The following ITPR1 variants were observed in gnomAD, a reference collection of about 807,000 sequenced individuals.
The protein encoded by ITPR1 is inositol 1,4,5-trisphosphate receptor type 1, also known as inositol 1,4,5-trisphosphate-gated calcium channel ITPR1.
A neutral mutation model predicts 318.4 loss-of-function variants in ITPR1; 96 were observed. The ratio of observed to expected loss-of-function variants is 0.30; its 90% CI spans 0.26 to 0.36. The LOEUF (loss-of-function observed/expected upper bound fraction) is 0.36, where lower values mean the gene tolerates loss of function less well. Among genes scored for constraint, ITPR1 ranks in the 10% least tolerant of loss-of-function variants. The pLI is 1.00. For missense variants in ITPR1, 2,440 were observed against 3,460.2 expected, an observed-to-expected ratio of 0.71 and a Z score of 7.40; for synonymous variants, 1,312 against 1,289.9, an observed-to-expected ratio of 1.02 and a Z score of -0.37.
chr3:4,608,267 A>C (rs113369191), intron 4 of ITPR1, among the ~76,000 whole-genome samples: 5,487 of 152,200 alleles, frequency 0.036, 141 homozygotes, highest in Non-Finnish European at 0.057. Context: ...AACCTTCTCC[A>C]TGTGACTGTC....
intron 4 of ITPR1, among the ~76,000 whole-genome samples, chr3:4,590,747 A>T (rs1443222605): frequency 1.3e-5 from 2 of 151,876 alleles, no homozygotes; most frequent in African/African-American, 4.8e-5. Context: ...GTTTGGGGGT[A>T]CATGTGAAGC....
chr3:4,655,556 G>A lies in ITPR1; in HGVS notation c.996+1670G>A, dbSNP rs78143962. Among the ~76,000 whole-genome samples the A allele has an allele frequency of 8.4e-3, 1,281 of 152,166 alleles. 8 individuals carry two copies. The highest frequency in any genetic ancestry group is 0.014 in the Non-Finnish European group (957 of 67,998). On this transcript the variant is annotated intron_variant, in intron 12 of 61. Coordinates refer to ENST00000649015, the MANE Select transcript of ITPR1 (RefSeq NM_001378452.1). ...TCATTAGCATTTTTAGTGCCTTTGCGTCCACCAGGTTGTCTGGGCTGCACA... is the reference window on the plus strand; with the variant it reads ...TCATTAGCATTTTTAGTGCCTTTGCATCCACCAGGTTGTCTGGGCTGCACA...
chr3:4,718,389 T>C (rs2041920010), intron 40 of ITPR1, among the ~76,000 whole-genome samples: 1 of 152,236 alleles, frequency 6.6e-6, no homozygotes, highest in Non-Finnish European at 1.5e-5. Flanking sequence ...AAATAGAACA[T>C]GCTGTCTACT....
Position 4,645,883 on chromosome 3 carries a change from A to ATG in ITPR1, c.855+163_855+164dup, listed in dbSNP as rs368360192. 2.4e-4 allele frequency: 160 copies of ATG among 667,766 alleles called. 1 individual carries two copies. The highest frequency in any genetic ancestry group is 1.0e-3 in the African/African-American group (56 of 55,444). The allele number at this position is 667,766 out of a possible 1,614,324, so 41.4% of individuals were successfully genotyped here. On this transcript the variant is annotated intron_variant, in intron 10 of 61. Transcript: ENST00000649015. ...ACACCTACACACACACACAGAATACATGTGTGTGTATATATATAAGTCACA... is the reference window on the plus strand; with the variant it reads ...ACACCTACACACACACACAGAATACATGTGTGTGTGTATATATATAAGTCACA...
chr3:4,746,629 C>A (rs2044127816), intron 44 of ITPR1, among the ~76,000 whole-genome samples: 1 of 152,196 alleles, frequency 6.6e-6, no homozygotes, highest in Non-Finnish European at 1.5e-5. Flanking sequence ...GGGGCAGAGA[C>A]CAAGTCTGTC....
At position 4,680,574 on chromosome 3, in the gene ITPR1, G is replaced by C; in HGVS notation, c.2989G>C (p.Asp997His). The C allele has an allele frequency of 6.2e-7, 1 of 1,613,326 alleles. No individual in the cohort carries two copies. Among genetic ancestry groups the C allele is most frequent in the Non-Finnish European group, 8.5e-7 (1 of 1,179,348 alleles). ...TTAGTTTATTTTGAATGTGAGGTTGGATTATAGGATCTCCTGCCTCCTGTG... is the reference window on the plus strand; with the variant it reads ...TTAGTTTATTTTGAATGTGAGGTTGCATTATAGGATCTCCTGCCTCCTGTG... ...ILQFILNVRL[D>H]YRISCLLCIF... The change falls in exon 25 of 62, where the codon GAT (aspartate) becomes CAT (histidine). Residue 997 changes from aspartate (D) to histidine (H), a missense_variant. Physicochemically the swap from Asp to His is moderately conservative, Grantham distance 81. Coordinates refer to ENST00000649015, the MANE Select transcript of ITPR1 (RefSeq NM_001378452.1).
intron 4 of ITPR1, among the ~76,000 whole-genome samples, chr3:4,530,369 C>T (rs139812707): frequency 6.6e-6 from 1 of 152,256 alleles, no homozygotes; most frequent in African/African-American, 2.4e-5. Flanking sequence ...TTGACTGCTC[C>T]CAGTTCTAGC....
Position 4,658,111 on chromosome 3 carries a change from T to C in ITPR1, c.997-13T>C, listed in dbSNP as rs2093754119. Reference sequence around the variant, plus strand: ...CATGCATGGTTCTTGATTTGGTGACTTTACCTCCTCAGGTGGACCCTGATC... The same window carrying C: ...CATGCATGGTTCTTGATTTGGTGACCTTACCTCCTCAGGTGGACCCTGATC... On this transcript the variant is annotated splice_polypyrimidine_tract_variant and intron_variant, in intron 12 of 61. Coordinates refer to ENST00000649015, the MANE Select transcript of ITPR1 (RefSeq NM_001378452.1). 1 of 1,602,478 alleles carries C rather than the reference T, an allele frequency of 6.2e-7. No homozygotes were observed. Among genetic ancestry groups the C allele is most frequent in the African/African-American group, 1.3e-5 (1 of 74,672 alleles).
chr3:4,810,725 C>CA (rs2048885546), intron 55 of ITPR1, among the ~76,000 whole-genome samples: 2 of 152,182 alleles, frequency 1.3e-5, no homozygotes, highest in African/African-American at 4.8e-5. Flanking sequence ...AATGGAGACT[C>CA]AGAGGGGATG....
At chr3:4,726,501 G>A (rs1449185072) in intron 41 of ITPR1, among the ~76,000 whole-genome samples, 1 of 152,208 alleles carries the variant, frequency 6.6e-6, no homozygotes, top group African/African-American at 2.4e-5. Flanking sequence ...AATCACAGTA[G>A]TTCAAGCTAG....
At chr3:4,595,385 G>A (rs1235061421) in intron 4 of ITPR1, among the ~76,000 whole-genome samples, 2 of 152,160 alleles carry the variant, frequency 1.3e-5, no homozygotes, top group Admixed American at 6.6e-5. Flanking sequence ...GCCAGATCTC[G>A]TGAGAACTCA....
intron 17 of ITPR1, 32 bp from the exon 18 acceptor site, chr3:4,667,345 C>T (rs747412261): frequency 5.2e-6 from 8 of 1,537,284 alleles, no homozygotes; most frequent in Admixed American, 2.0e-5. Flanking sequence ...ATTTATCCTT[C>T]CTACTGACGT....
chr3:4,495,507 G>A (rs1186772357), intron 2 of ITPR1, among the ~76,000 whole-genome samples: 1 of 152,180 alleles, frequency 6.6e-6, no homozygotes, highest in African/African-American at 2.4e-5. Flanking sequence ...TTTCTTCTTG[G>A]AGTTCTGTTG....
intron 4 of ITPR1, among the ~76,000 whole-genome samples, chr3:4,625,684 G>A (rs1352623869): frequency 1.3e-5 from 2 of 152,076 alleles, no homozygotes; most frequent in Non-Finnish European, 2.9e-5. Flanking sequence ...AGCCTCCCGA[G>A]TAGCTGGGAC....
intron 2 of ITPR1, among the ~76,000 whole-genome samples, chr3:4,506,662 C>T (rs2081416542): frequency 6.6e-6 from 1 of 152,092 alleles, no homozygotes; most frequent in Non-Finnish European, 1.5e-5. Context: ...ATAGGGGTGG[C>T]ATATAGTAGG....
At chr3:4,672,422 G>T (rs772948698) in intron 20 of ITPR1, among the ~76,000 whole-genome samples, 15 of 152,204 alleles carry the variant, frequency 9.9e-5, no homozygotes, top group Non-Finnish European at 1.6e-4. Flanking sequence ...ATGATTATTA[G>T]AAATACATAG....
intron 44 of ITPR1, 87 bp from the exon 45 acceptor site, chr3:4,766,443 C>G (rs1486637529): frequency 8.8e-7 from 1 of 1,137,182 alleles, no homozygotes; most frequent in South Asian, 1.4e-5. Context: ...GCAACTGGCT[C>G]TGATCTTCAT....
At chr3:4,755,032 G>C (rs1192491342) in intron 44 of ITPR1, among the ~76,000 whole-genome samples, 2 of 152,190 alleles carry the variant, frequency 1.3e-5, no homozygotes, top group Non-Finnish European at 2.9e-5. Flanking sequence ...TTGTTCCTGG[G>C]TCAGAGCCAC....
intron 5 of ITPR1, among the ~76,000 whole-genome samples, chr3:4,633,447 A>G (rs567381769): frequency 1.1e-4 from 17 of 152,244 alleles, no homozygotes; most frequent in African/African-American, 4.1e-4. Context: ...ATTTTTCTCA[A>G]CTACTATGCA....
Sources: gnomAD v4.1 joint callset for allele counts (sites outside exome capture counted in the v4.1 genomes callset) on GRCh38, gnomAD v4.1.1 for gene constraint, MANE v1.5 for transcripts, NCBI Gene and HGNC (gene_info 2026-07-23, HGNC 2026-07-21) for gene names.